The following RBFOX1 variants were observed in gnomAD, a reference collection of about 807,000 sequenced individuals.
The protein encoded by RBFOX1 is RNA binding fox-1 homolog 1.
Under a neutral mutation model 57.7 loss-of-function variants are expected in RBFOX1, and 8 were observed. The ratio of observed to expected loss-of-function variants is 0.14; its 90% CI spans 0.08 to 0.25. RBFOX1 has a LOEUF of 0.25. RBFOX1 is among the 10% of genes least tolerant of loss of function. RBFOX1 has a pLI of 1.00. For synonymous variants in RBFOX1, 326 were observed against 222.4 expected, an observed-to-expected ratio of 1.47 and a Z score of -4.15; for missense variants, 611 against 548.5, an observed-to-expected ratio of 1.11 and a Z score of -1.14.
chr16:7,420,918 TATATATACAC>T (rs2098535558), intron 4 of RBFOX1, among the ~76,000 whole-genome samples: 4 of 146,938 alleles, frequency 2.7e-5, no homozygotes, highest in Non-Finnish European at 4.5e-5. Flanking sequence ...TATACATATA[TATATATACAC>T]ATATATATAT....
At chr16:5,732,772 G>T (rs2052427416) in intron 3 of RBFOX1, among the ~76,000 whole-genome samples, 1 of 152,112 alleles carries the variant, frequency 6.6e-6, no homozygotes, top group Admixed American at 6.6e-5. Context: ...CCTAGGGGAG[G>T]ACAGTGGAGA....
intron 4 of RBFOX1, among the ~76,000 whole-genome samples, chr16:7,500,465 C>A (rs994291238): frequency 3.3e-5 from 5 of 152,104 alleles, no homozygotes; most frequent in Non-Finnish European, 7.4e-5. Context: ...TTTCTTATTC[C>A]CCCATAAAAG....
At chr16:5,366,047 C>T in intron 1 of RBFOX1, 1 of 482,006 alleles carries the variant, frequency 2.1e-6, no homozygotes, top group South Asian at 1.6e-5. Context: ...GTCTGTACAG[C>T]AATGGTTTCC....
At chr16:6,494,268 T>C (rs1001586522) in intron 2 of RBFOX1, among the ~76,000 whole-genome samples, 1 of 152,210 alleles carries the variant, frequency 6.6e-6, no homozygotes, top group South Asian at 2.1e-4. Flanking sequence ...TATTGTTCTG[T>C]ACAACTTCAT....
chr16:5,803,151 C>G (rs1253451174), intron 3 of RBFOX1, among the ~76,000 whole-genome samples: 1 of 152,190 alleles, frequency 6.6e-6, no homozygotes, highest in Admixed American at 6.5e-5. Context: ...ATCCCTCCCC[C>G]CATCCAAGAA....
At chr16:6,077,517 G>A (rs755893578) in intron 1 of RBFOX1, among the ~76,000 whole-genome samples, 10 of 151,996 alleles carry the variant, frequency 6.6e-5, no homozygotes, top group African/African-American at 1.2e-4. Flanking sequence ...GAATTGTGTC[G>A]TGCTCTCTAG....
chr16:6,896,662 T>C (rs142491239), intron 3 of RBFOX1, among the ~76,000 whole-genome samples: 1,884 of 152,306 alleles, frequency 0.012, 22 homozygotes, highest in Non-Finnish European at 0.02. Context: ...TGCTTGGGCA[T>C]CATCAACGCC....
chr16:7,315,198 A>G lies in RBFOX1; in HGVS notation c.28-202949A>G, dbSNP rs186673143. Among the ~76,000 whole-genome samples the G allele has an allele frequency of 5.7e-4, 87 of 152,244 alleles. 1 individual carries two copies. The highest frequency in any genetic ancestry group is 2.1e-3 in the African/African-American group (86 of 41,540). On this transcript the variant is annotated intron_variant, in intron 4 of 15. Transcript: ENST00000550418. ...TCTTTCCCTATAGAACTGAGAACTG[A>G]AAACCAACAGAAGACAGAGTAGGAG...
At chr16:6,227,554 T>G (rs1464039955) in intron 1 of RBFOX1, among the ~76,000 whole-genome samples, 2 of 152,068 alleles carry the variant, frequency 1.3e-5, no homozygotes, top group Non-Finnish European at 2.9e-5. Context: ...GAAGTGAGCT[T>G]GTACACACCT....
chr16:7,166,038 G>C (rs1260000055), intron 4 of RBFOX1, among the ~76,000 whole-genome samples: 1 of 151,676 alleles, frequency 6.6e-6, no homozygotes, highest in Non-Finnish European at 1.5e-5. Context: ...TGTTGAGGTG[G>C]AATCTCATTC....
chr16:5,996,878 C>G (rs903681089), intron 4 of RBFOX1, among the ~76,000 whole-genome samples: 2 of 152,126 alleles, frequency 1.3e-5, no homozygotes, highest in African/African-American at 4.8e-5. Context: ...GTAAAGAAAC[C>G]CATTTTTGCC....
At chr16:5,387,169 GT>G (rs1174131752) in intron 1 of RBFOX1, among the ~76,000 whole-genome samples, 2 of 152,192 alleles carry the variant, frequency 1.3e-5, no homozygotes, top group African/African-American at 4.8e-5. Flanking sequence ...ACAGGTTTCT[GT>G]TTGTATCATC....
chr16:6,948,885 G>A (rs1400397147), intron 3 of RBFOX1, among the ~76,000 whole-genome samples: 1 of 152,160 alleles, frequency 6.6e-6, no homozygotes, highest in Non-Finnish European at 1.5e-5. Context: ...TGACCAGAGG[G>A]ACAGCATCCT....
intron 3 of RBFOX1, among the ~76,000 whole-genome samples, chr16:5,848,403 C>T (rs2151859713): frequency 6.6e-6 from 1 of 152,244 alleles, no homozygotes; most frequent in Admixed American, 6.5e-5. Flanking sequence ...AACAGGGGTT[C>T]AGCACAACAT....
At chr16:7,253,625 C>T (rs1017901707) in intron 4 of RBFOX1, among the ~76,000 whole-genome samples, 1 of 152,164 alleles carries the variant, frequency 6.6e-6, no homozygotes, top group Non-Finnish European at 1.5e-5. Flanking sequence ...TTCTGTTCAG[C>T]TCATTTCTAC....
intron 3 of RBFOX1, among the ~76,000 whole-genome samples, chr16:6,872,451 A>G (rs958888387): frequency 3.9e-5 from 6 of 152,108 alleles, no homozygotes; most frequent in African/African-American, 9.7e-5. Context: ...TAAAAACTCA[A>G]CTTAGGAAAC....
At chr16:6,572,883 C>A (rs887001850) in intron 2 of RBFOX1, among the ~76,000 whole-genome samples, 1 of 152,134 alleles carries the variant, frequency 6.6e-6, no homozygotes, top group Non-Finnish European at 1.5e-5. Flanking sequence ...AGTGATCCCG[C>A]ATGCCCAGCC....
At chr16:5,649,601 T>C (rs1217663866) in intron 3 of RBFOX1, among the ~76,000 whole-genome samples, 5 of 152,230 alleles carry the variant, frequency 3.3e-5, no homozygotes, top group Admixed American at 6.5e-5. Context: ...CTCTCTCATT[T>C]CCCTTTCTTC....
intron 1 of RBFOX1, among the ~76,000 whole-genome samples, chr16:6,225,337 A>G (rs1461967174): frequency 6.6e-6 from 1 of 152,150 alleles, no homozygotes; most frequent in African/African-American, 2.4e-5. Flanking sequence ...CGTATCTTCT[A>G]AAAAATGTGC....
Sources: gnomAD v4.1 joint callset for allele counts (sites outside exome capture counted in the v4.1 genomes callset) on GRCh38, gnomAD v4.1.1 for gene constraint, MANE v1.5 for transcripts, NCBI Gene and HGNC (gene_info 2026-07-23, HGNC 2026-07-21) for gene names.